Variants in COG7 observed in about 807,000 individuals in gnomAD.
The protein encoded by COG7 is conserved oligomeric Golgi complex subunit 7.
A neutral mutation model predicts 91.5 loss-of-function variants in COG7; 49 were observed. The observed-to-expected ratio is 0.54, with a 90% CI of 0.43 to 0.68. COG7 has a LOEUF of 0.68. COG7 is among the 30% of genes least tolerant of loss of function. COG7 has a pLI of 0.00. For synonymous variants in COG7, 365 were observed against 388.7 expected (o/e 0.94, Z 0.72); for missense variants, 895 against 961.3 (o/e 0.93, Z 0.91).
intron 14 of COG7, among the ~76,000 whole-genome samples, chr16:23,394,530 A>G (rs1421097068): frequency 6.6e-6 from 1 of 151,986 alleles, no homozygotes; most frequent in African/African-American, 2.4e-5. Flanking sequence ...TCTTCCTGCT[A>G]CATATTCATT....
At chr16:23,402,597 C>G (rs187273168) in intron 13 of COG7, among the ~76,000 whole-genome samples, 1 of 152,280 alleles carries the variant, frequency 6.6e-6, no homozygotes, top group African/African-American at 2.4e-5. Context: ...GATGAGGAAA[C>G]GGAGGCTCAC....
At chr16:23,449,665 C>T (rs1269896390) in intron 1 of COG7, among the ~76,000 whole-genome samples, 1 of 150,120 alleles carries the variant, frequency 6.7e-6, no homozygotes, top group African/African-American at 2.4e-5. Context: ...TGCTTGAACC[C>T]GAGAGGCGGA....
chr16:23,403,634 A>C, intron 13 of COG7, 60 bp downstream of exon 13: 1 of 1,601,272 alleles, frequency 6.2e-7, no homozygotes, highest in Non-Finnish European at 8.6e-7. Context: ...GCCCACACTC[A>C]GTATGCTTGA....
At chr16:23,433,979 G>A (rs759918147) in intron 5 of COG7, among the ~76,000 whole-genome samples, 14 of 152,096 alleles carry the variant, frequency 9.2e-5, no homozygotes, top group African/African-American at 3.1e-4. Flanking sequence ...GGGCAAGAGC[G>A]GGCAGACATG....
intron 9 of COG7, chr16:23,415,375 T>C (rs1323895784): frequency 2.0e-5 from 3 of 152,232 alleles, no homozygotes; most frequent in South Asian, 4.1e-4. Context: ...CAGGTATGGT[T>C]ATAAGCAAAT....
chr16:23,451,265 T>C (rs1221146386), intron 1 of COG7, among the ~76,000 whole-genome samples: 1 of 152,236 alleles, frequency 6.6e-6, no homozygotes, highest in Non-Finnish European at 1.5e-5. Context: ...GCAGTCTGTT[T>C]GGTCTTTCCA....
chr16:23,411,020 A>G (rs1963553614), intron 10 of COG7, among the ~76,000 whole-genome samples: 1 of 152,184 alleles, frequency 6.6e-6, no homozygotes, highest in Admixed American at 6.5e-5. Flanking sequence ...ATCTAAAATT[A>G]AAAACAAAAA....
chr16:23,389,020 G>C lies in COG7; in HGVS notation c.2213C>G (p.Thr738Arg). The C allele has an allele frequency of 6.2e-7, 1 of 1,614,130 alleles. No individual in the cohort carries two copies. Among genetic ancestry groups the C allele is most frequent in the African/African-American group, 1.3e-5 (1 of 75,036 alleles). ...GTCCTCAGGCCTGGTCTTCAGTAGC[G>C]TCACGATGTGCTGGAGGGTGCGGGA... is the stretch of plus-strand genomic sequence containing the variant. ...QPSRTLQHIV[T>R]LLKTRPEDYR... The change falls in exon 17 of 17, where the codon ACG (threonine) becomes AGG (arginine). Residue 738 changes from threonine (T) to arginine (R), a missense_variant. Physicochemically the swap from Thr to Arg is moderately conservative, Grantham distance 71 (BLOSUM62 -1). Transcript: ENST00000307149.
intron 9 of COG7, chr16:23,413,906 T>G (rs1963610360): frequency 3.4e-6 from 1 of 291,112 alleles, no homozygotes; most frequent in African/African-American, 2.2e-5. Context: ...AAAGCAGGTT[T>G]GAAGAACTGT....
At chr16:23,415,232 C>A (rs551183783) in intron 9 of COG7, 7 of 152,344 alleles carry the variant, frequency 4.6e-5, no homozygotes, top group African/African-American at 1.7e-4. Context: ...TGTTAAGGAA[C>A]ATGATTGTGC....
At chr16:23,436,724 C>T (rs569508004) in intron 4 of COG7, among the ~76,000 whole-genome samples, 5 of 152,016 alleles carry the variant, frequency 3.3e-5, no homozygotes, top group Admixed American at 2.6e-4. Flanking sequence ...TAGACTCTGT[C>T]TCAAAAAAAA....
At chr16:23,434,794 A>G (rs1963989479) in intron 4 of COG7, 76 bp from the exon 5 acceptor site, 1 of 937,240 alleles carries the variant, frequency 1.1e-6, no homozygotes, top group Non-Finnish European at 1.8e-6. Flanking sequence ...ACCAGGATGA[A>G]GGTGGATATA....
chr16:23,405,951 G>A (rs778696284), intron 12 of COG7, 125 bp downstream of exon 12: 116 of 827,538 alleles, frequency 1.4e-4, no homozygotes, highest in Middle Eastern at 1.3e-3. Context: ...AGACAGAGAG[G>A]TAGTAGCAGG....
At chr16:23,450,332 A>G (rs907475400) in intron 1 of COG7, among the ~76,000 whole-genome samples, 4 of 152,114 alleles carry the variant, frequency 2.6e-5, no homozygotes, top group Non-Finnish European at 5.9e-5. Context: ...TGATTCTCCT[A>G]AACAAGAAGT....
At chr16:23,411,432 T>A (rs750378065) in intron 10 of COG7, among the ~76,000 whole-genome samples, 4 of 152,184 alleles carry the variant, frequency 2.6e-5, no homozygotes, top group Admixed American at 1.3e-4. Context: ...AACAAACTTG[T>A]GCATAATATT....
chr16:23,443,635 T>C (rs1964136462), intron 3 of COG7, among the ~76,000 whole-genome samples: 1 of 151,610 alleles, frequency 6.6e-6, no homozygotes, highest in South Asian at 2.1e-4. Flanking sequence ...AGGTTTGCAG[T>C]GAGCCGAGAT....
intron 7 of COG7, among the ~76,000 whole-genome samples, chr16:23,423,753 G>A (rs1391816622): frequency 6.6e-6 from 1 of 152,232 alleles, no homozygotes. Context: ...AGCAGAACAA[G>A]GCCTTCCTGA....
chr16:23,430,489 T>C (rs1177277637), intron 6 of COG7, among the ~76,000 whole-genome samples: 1 of 151,634 alleles, frequency 6.6e-6, no homozygotes, highest in East Asian at 1.9e-4. Flanking sequence ...TAAGTAAACA[T>C]TGAACTCTAG....
At chr16:23,411,403 C>T (rs1183311048) in intron 10 of COG7, among the ~76,000 whole-genome samples, 1 of 152,236 alleles carries the variant, frequency 6.6e-6, no homozygotes, top group Admixed American at 6.5e-5. Flanking sequence ...AAATATTCCA[C>T]TTCCCTTACG....
Sources: allele counts gnomAD v4.1 joint callset (sites outside exome capture counted in the v4.1 genomes callset), GRCh38; gene constraint gnomAD v4.1.1; transcripts MANE v1.5; gene names NCBI Gene and HGNC (gene_info 2026-07-23, HGNC 2026-07-21).